Variants in BBS9 observed in about 807,000 individuals in gnomAD.
The protein encoded by BBS9 is Bardet-Biedl syndrome 9, also known as protein PTHB1.
In BBS9, 89 loss-of-function variants were observed where a neutral mutation model predicts 117.7. The ratio of observed to expected loss-of-function variants is 0.76; its 90% CI spans 0.64 to 0.90. The LOEUF (loss-of-function observed/expected upper bound fraction) is 0.90. BBS9 is among the 40% of genes least tolerant of loss of function. BBS9 has a pLI of 0.00. For synonymous variants in BBS9, 379 were observed against 370.9 expected, an observed-to-expected ratio of 1.02 and a Z score of -0.25; for missense variants, 982 against 1,042.2, an observed-to-expected ratio of 0.94 and a Z score of 0.80.
At chr7:33,471,990 T>G (rs2128956052) in intron 19 of BBS9, among the ~76,000 whole-genome samples, 2 of 151,520 alleles carry the variant, frequency 1.3e-5, no homozygotes, top group South Asian at 4.2e-4. Context: ...TAGGGATTGT[T>G]CTCCTAGTCA....
chr7:33,133,516 G>A (rs1381069668), intron 1 of BBS9, among the ~76,000 whole-genome samples: 1 of 152,060 alleles, frequency 6.6e-6, no homozygotes, highest in South Asian at 2.1e-4. Context: ...CATATAATAG[G>A]TGGCCTTTTG....
intron 4 of BBS9, among the ~76,000 whole-genome samples, chr7:33,157,929 A>G (rs761138835): frequency 6.6e-6 from 1 of 152,192 alleles, no homozygotes; most frequent in Non-Finnish European, 1.5e-5. Context: ...AAAGCATCAC[A>G]TGGCATCTCA....
intron 19 of BBS9, among the ~76,000 whole-genome samples, chr7:33,401,560 G>A (rs1018432621): frequency 6.6e-6 from 1 of 151,972 alleles, no homozygotes; most frequent in Non-Finnish European, 1.5e-5. Flanking sequence ...TGAAGGGGTG[G>A]GGGGCAGGGC....
chr7:33,622,372 T>C (rs1231837356), intron 21 of BBS9, among the ~76,000 whole-genome samples: 2 of 152,138 alleles, frequency 1.3e-5, no homozygotes, highest in Admixed American at 1.3e-4. Flanking sequence ...GGTTGAAGCA[T>C]ACCAAGTTTC....
chr7:33,521,618 T>C (rs1231365030), intron 20 of BBS9, among the ~76,000 whole-genome samples: 3 of 113,044 alleles, frequency 2.7e-5, no homozygotes, highest in African/African-American at 1.0e-4. Context: ...GCTGATTTTT[T>C]TCAGTGCTTT....
At chr7:33,384,539 A>G (rs1294857467) in intron 18 of BBS9, among the ~76,000 whole-genome samples, 1 of 152,154 alleles carries the variant, frequency 6.6e-6, no homozygotes, top group Admixed American at 6.6e-5. Context: ...TAGTTTTTTT[A>G]AAAGTCCCAT....
intron 16 of BBS9, among the ~76,000 whole-genome samples, chr7:33,361,665 T>C (rs954124502): frequency 5.3e-5 from 8 of 152,274 alleles, no homozygotes; most frequent in East Asian, 1.9e-4. Flanking sequence ...TAATTTTTCT[T>C]AACTACTTGC....
chr7:33,332,394 A>G lies in BBS9; in HGVS notation c.1017-4047A>G, dbSNP rs112661400. Among the ~76,000 whole-genome samples, 445 of 152,244 alleles carry G rather than the reference A, an allele frequency of 2.9e-3. 1 individual carries two copies. The highest frequency in any genetic ancestry group is 0.01 in the African/African-American group (425 of 41,556). ...TATTGAATTAAAAACAATTAAAAAC[A>G]AGAGGCCAGGTGTGGGGCTCACGCC... On this transcript the variant is annotated intron_variant, in intron 9 of 22. Transcript: ENST00000242067.
At chr7:33,148,467 A>G (rs1413618487) in intron 2 of BBS9, among the ~76,000 whole-genome samples, 4 of 152,248 alleles carry the variant, frequency 2.6e-5, no homozygotes, top group African/African-American at 4.8e-5. Flanking sequence ...GGTTCAAGCA[A>G]TTCTCCTGCC....
At chr7:33,528,100 A>G (rs988778429) in intron 20 of BBS9, among the ~76,000 whole-genome samples, 1 of 152,226 alleles carries the variant, frequency 6.6e-6, no homozygotes, top group Admixed American at 6.5e-5. Flanking sequence ...CTGTGGATCA[A>G]TTATAAATAC....
At chr7:33,279,901 T>G (rs902519558) in intron 9 of BBS9, among the ~76,000 whole-genome samples, 2 of 152,232 alleles carry the variant, frequency 1.3e-5, no homozygotes, top group African/African-American at 4.8e-5. Flanking sequence ...GTAATGTTAC[T>G]TTCTCTGGAG....
intron 16 of BBS9, among the ~76,000 whole-genome samples, chr7:33,359,083 T>A (rs1820149031): frequency 6.6e-6 from 1 of 151,882 alleles, no homozygotes; most frequent in Non-Finnish European, 1.5e-5. Flanking sequence ...TCCCATCTCT[T>A]CTTTTACCTC....
chr7:33,295,383 A>C (rs1805046540), intron 9 of BBS9, among the ~76,000 whole-genome samples: 1 of 151,352 alleles, frequency 6.6e-6, no homozygotes, highest in Admixed American at 6.6e-5. Context: ...TAAAGTTTCA[A>C]TTATTTGAAA....
chr7:33,542,091 CT>C (rs60822654), intron 21 of BBS9, among the ~76,000 whole-genome samples: 21 of 148,246 alleles, frequency 1.4e-4, no homozygotes, highest in Non-Finnish European at 2.2e-4. Flanking sequence ...TGAGTAAGTT[CT>C]TTTTTTTTTT....
intron 5 of BBS9, among the ~76,000 whole-genome samples, chr7:33,246,324 A>G (rs1018144595): frequency 2.7e-5 from 4 of 150,892 alleles, no homozygotes; most frequent in African/African-American, 9.7e-5. Context: ...AACATTAATT[A>G]ATTGGTCACA....
intron 17 of BBS9, among the ~76,000 whole-genome samples, chr7:33,377,404 G>C (rs1486536802): frequency 6.6e-6 from 1 of 152,190 alleles, no homozygotes; most frequent in African/African-American, 2.4e-5. Flanking sequence ...CCAGTATCAT[G>C]CTGTTTTGTT....
intron 20 of BBS9, among the ~76,000 whole-genome samples, chr7:33,532,755 G>A (rs756653015): frequency 6.6e-6 from 1 of 152,166 alleles, no homozygotes; most frequent in Non-Finnish European, 1.5e-5. Flanking sequence ...TATTTGAATG[G>A]TGGCTCAAAT....
rs1815122409 is a variant in BBS9 at position 33,335,390 on chromosome 7, T to G, written c.1017-1051T>G. On this transcript the variant is annotated intron_variant, in intron 9 of 22. Transcript: ENST00000242067. The stretch of plus-strand genomic sequence containing the variant: ...TTATTTTTGATTAATATCTAACCTT[T>G]AGAACCAAGTAGAAAATACTTTAAA... Among the ~76,000 whole-genome samples the G allele has an allele frequency of 2.0e-5, 3 of 152,056 alleles. No individual in the cohort carries two copies. The South Asian group carries it at 6.2e-4, about 32-fold the overall frequency.
rs1851017862 is a variant in BBS9, at chr7:33,534,182, AG to A, written c.2521+7del. Reference sequence around the variant, plus strand: ...ACAGACCATGGTCATGCCAGGTAAGAGCTCTGTCCATGCTCCCTAATCACAA... The same window carrying A: ...ACAGACCATGGTCATGCCAGGTAAGACTCTGTCCATGCTCCCTAATCACAA... On this transcript the variant is annotated splice_region_variant and intron_variant, in intron 21 of 22. Coordinates refer to ENST00000242067, the MANE Select transcript of BBS9 (RefSeq NM_198428.3). 1 of 1,612,676 alleles carries A rather than the reference AG, an allele frequency of 6.2e-7. No individual in the cohort carries two copies. The highest frequency in any genetic ancestry group is 1.3e-5 in the African/African-American group (1 of 74,904).
Sources: allele counts gnomAD v4.1 joint callset (sites outside exome capture counted in the v4.1 genomes callset), GRCh38; gene constraint gnomAD v4.1.1; transcripts MANE v1.5; gene names NCBI Gene and HGNC (gene_info 2026-07-23, HGNC 2026-07-21).